KLF17: variants seen among roughly 807,000 people sequenced by gnomAD.
The protein encoded by KLF17 is Krueppel-like factor 17.
In KLF17, 31 loss-of-function variants were observed where a neutral mutation model predicts 34.2. That is an observed-to-expected ratio of 0.91 (90% confidence interval 0.68 to 1.22). The LOEUF (loss-of-function observed/expected upper bound fraction) is 1.22, where lower values mean the gene tolerates loss of function less well. KLF17 is among the 50% of genes most tolerant of loss of function. The pLI, the probability that KLF17 is intolerant of heterozygous loss-of-function variation, is 0.00. For synonymous variants in KLF17, 179 were observed against 186.7 expected (o/e 0.96, Z 0.34); for missense variants, 478 against 505.2 (o/e 0.95, Z 0.52).
the KLF17 span, among the ~76,000 whole-genome samples, chr1:44,105,715 G>A: frequency 6.6e-6 from 1 of 151,720 alleles, no homozygotes; most frequent in Non-Finnish European, 1.5e-5. Flanking sequence ...ACTTTAGTGT[G>A]CACACTGGGA....
chr1:44,068,416 C>T, the KLF17 span, among the ~76,000 whole-genome samples: 2 of 152,188 alleles, frequency 1.3e-5, no homozygotes, highest in Non-Finnish European at 2.9e-5. Flanking sequence ...GACATACCAG[C>T]CAGGAGTGGG....
chr1:44,073,913 T>C, the KLF17 span, among the ~76,000 whole-genome samples: 1 of 152,318 alleles, frequency 6.6e-6, no homozygotes, highest in South Asian at 2.1e-4. Context: ...ATTTTCTGTT[T>C]TCCTTACTAC....
chr1:44,054,094 T>C, the KLF17 span, among the ~76,000 whole-genome samples: 1 of 152,232 alleles, frequency 6.6e-6, no homozygotes, highest in African/African-American at 2.4e-5. Context: ...AACCCTGCTC[T>C]ATTTCAGGGC....
the KLF17 span, among the ~76,000 whole-genome samples, chr1:44,107,583 C>T: frequency 6.6e-6 from 1 of 152,144 alleles, no homozygotes. Flanking sequence ...TCCACTCCGT[C>T]CTGCTCAGGA....
In KLF17 at chr1:44,130,952, G is replaced by A. The variant is rs199999143; in HGVS notation, c.*196G>A. ...CTAGGACTACAGGCACGTGCCACCAGGCCCGGGTAATTTTTTGTATTTTTA... is the reference window on the plus strand; with the variant it reads ...CTAGGACTACAGGCACGTGCCACCAAGCCCGGGTAATTTTTTGTATTTTTA... On this transcript the variant is annotated intron_variant, in intron 3 of 3. Transcript: ENST00000372299. 2.0e-5 allele frequency among the ~76,000 whole-genome samples: 3 copies of A among 152,130 alleles called. No homozygotes were observed. The East Asian group carries it at 5.8e-4, about 29-fold the overall frequency.
At chr1:44,119,402 A>AG (rs1279886920) in intron 1 of KLF17, among the ~76,000 whole-genome samples, 1 of 136,864 alleles carries the variant, frequency 7.3e-6, no homozygotes, top group Non-Finnish European at 1.6e-5. Flanking sequence ...AGGAAACAAC[A>AG]GGAAAAAAAA....
chr1:44,089,477 G>A, the KLF17 span, among the ~76,000 whole-genome samples: 8 of 152,282 alleles, frequency 5.3e-5, no homozygotes, highest in Non-Finnish European at 7.3e-5. Context: ...GCTGGGAAGC[G>A]TATGACCTTG....
At chr1:44,099,870 AAAG>A in the KLF17 span, among the ~76,000 whole-genome samples, 1 of 65,530 alleles carries the variant, frequency 1.5e-5, no homozygotes, top group African/African-American at 4.7e-5. Flanking sequence ...AGAAAGAAAG[AAAG>A]AAAGAAAGAA....
At chr1:44,057,746 A>G in the KLF17 span, among the ~76,000 whole-genome samples, 1 of 152,214 alleles carries the variant, frequency 6.6e-6, no homozygotes, top group African/African-American at 2.4e-5. Flanking sequence ...AGGACTCCCT[A>G]TTCAAATTAG....
the KLF17 span, among the ~76,000 whole-genome samples, chr1:44,047,631 T>C: frequency 6.6e-6 from 1 of 152,184 alleles, no homozygotes; most frequent in Non-Finnish European, 1.5e-5. Context: ...AGGGAAAGAA[T>C]GCTTAGATCG....
chr1:44,066,162 T>A, the KLF17 span, among the ~76,000 whole-genome samples: 563 of 152,016 alleles, frequency 3.7e-3, 6 homozygotes, highest in Middle Eastern at 0.041. Flanking sequence ...TACAAAAAAA[T>A]TTTTAAAAAT....
At position 44,129,712 on chromosome 1, in the gene KLF17, C is replaced by T. The variant is rs750802640; in HGVS notation, c.441C>T (p.Phe147=). The T allele has an allele frequency of 6.2e-6, 10 of 1,614,046 alleles. No individual in the cohort carries two copies. Among genetic ancestry groups the T allele is most frequent in the Middle Eastern group, 1.6e-4 (1 of 6,084 alleles). ...ATATTCCAAGGGTAGCCAGGCCCTT[C>T]GGTGGGAATCTAAGGATGCCCCCCA... is the stretch of plus-strand genomic sequence containing the variant. ...EPNIPRVARP[F]GGNLRMPPNG... Residue 147 remains phenylalanine (F), a synonymous_variant, in exon 2 of 4, where the codon TTC becomes TTT. Coordinates refer to ENST00000372299, the MANE Select transcript of KLF17 (RefSeq NM_173484.4).
chr1:44,049,023 A>C, the KLF17 span, among the ~76,000 whole-genome samples: 6 of 152,206 alleles, frequency 3.9e-5, no homozygotes, highest in African/African-American at 1.4e-4. Context: ...TGGCTTAAAC[A>C]ACAGACATTT....
chr1:44,126,068 G>T (rs1310990757), intron 1 of KLF17, among the ~76,000 whole-genome samples: 2 of 152,044 alleles, frequency 1.3e-5, no homozygotes, highest in East Asian at 1.9e-4. Context: ...GTGTCACCCA[G>T]GCTGGAGTGC....
the KLF17 span, among the ~76,000 whole-genome samples, chr1:44,091,986 CT>C: frequency 7.0e-6 from 1 of 143,504 alleles, no homozygotes. Context: ...CTCTCTCTCT[CT>C]CTCTGCCCAC....
chr1:44,127,486 T>C (rs1243935913), intron 1 of KLF17, among the ~76,000 whole-genome samples: 1 of 152,028 alleles, frequency 6.6e-6, no homozygotes, highest in African/African-American at 2.4e-5. Context: ...AAATTTGTAA[T>C]TGCTTCAAGT....
At chr1:44,075,337 T>C in the KLF17 span, among the ~76,000 whole-genome samples, 1 of 152,216 alleles carries the variant, frequency 6.6e-6, no homozygotes, top group Non-Finnish European at 1.5e-5. Context: ...TGTTATTTAC[T>C]AAGGAGGGCA....
the KLF17 span, among the ~76,000 whole-genome samples, chr1:44,096,556 G>A: frequency 9.2e-5 from 14 of 151,510 alleles, no homozygotes; most frequent in African/African-American, 3.2e-4. Flanking sequence ...CCACCACCAC[G>A]CCTGGCTAAT....
At chr1:44,087,964 T>G in the KLF17 span, 58 of 212,476 alleles carry the variant, frequency 2.7e-4, 1 homozygote, top group African/African-American at 1.3e-3. Context: ...CTTCACATGA[T>G]GAAGAGGATG....
Sources: allele counts gnomAD v4.1 joint callset (sites outside exome capture counted in the v4.1 genomes callset), GRCh38; gene constraint gnomAD v4.1.1; transcripts MANE v1.5; gene names NCBI Gene and HGNC (gene_info 2026-07-23, HGNC 2026-07-21).